The following ELP1 variants were observed in gnomAD, a reference collection of about 807,000 sequenced individuals.
ELP1 encodes the protein elongator acetyltransferase complex subunit 1, also known as elongator complex protein 1.
In ELP1, 131 loss-of-function variants were observed where a neutral mutation model predicts 183.2. The observed-to-expected ratio is 0.72, with a 90% CI of 0.62 to 0.83. ELP1 has a LOEUF of 0.83. Ranked by LOEUF, ELP1 falls within the 40% of genes least tolerant of loss-of-function variation. The pLI is 0.00. For synonymous variants in ELP1, 555 were observed against 569.0 expected (o/e 0.98, Z 0.35); for missense variants, 1,550 against 1,594.9 (o/e 0.97, Z 0.48).
chr9:108,917,424 A>G (rs1421354996), intron 9 of ELP1, 123 bp downstream of exon 9: 4 of 931,234 alleles, frequency 4.3e-6, no homozygotes, highest in East Asian at 5.0e-5. Flanking sequence ...CCGAGATTGC[A>G]CTATCGCACT....
At chr9:108,926,785 A>G (rs1829837426) in intron 4 of ELP1, among the ~76,000 whole-genome samples, 182 bp from the exon 5 acceptor site, 1 of 152,186 alleles carries the variant, frequency 6.6e-6, no homozygotes, top group Non-Finnish European at 1.5e-5. Context: ...CTTTCCCTAG[A>G]TAAGTCACCT....
chr9:108,870,807 T>C (rs547936317), intron 36 of ELP1, among the ~76,000 whole-genome samples: 1 of 152,302 alleles, frequency 6.6e-6, no homozygotes, highest in East Asian at 1.9e-4. Context: ...AAATGTCAAT[T>C]TATTTTCTGG....
intron 3 of ELP1, among the ~76,000 whole-genome samples, chr9:108,928,445 A>G (rs1008582609): frequency 1.3e-5 from 2 of 152,224 alleles, no homozygotes; most frequent in Non-Finnish European, 2.9e-5. Flanking sequence ...ACGTGTTTCA[A>G]AGAGTGGTAA....
At chr9:108,927,001 T>A (rs1829843134) in intron 4 of ELP1, among the ~76,000 whole-genome samples, 1 of 152,192 alleles carries the variant, frequency 6.6e-6, no homozygotes, top group Non-Finnish European at 1.5e-5. Flanking sequence ...TTAGAATGTG[T>A]CCATACAGCA....
rs111551558 is a variant in ELP1 at position 108,930,461 on chromosome 9, C to T, written c.150+536G>A. ...AACCACTCTTGGCCGGGCGCTGAGGCAGGCGGATCACGAGGTCAGGAGATC... is the reference window on the plus strand; with the variant it reads ...AACCACTCTTGGCCGGGCGCTGAGGTAGGCGGATCACGAGGTCAGGAGATC... On this transcript the variant is annotated intron_variant, in intron 2 of 36. Coordinates refer to ENST00000374647, the MANE Select transcript of ELP1 (RefSeq NM_003640.5). 2.6e-3 allele frequency among the ~76,000 whole-genome samples: 395 copies of T among 152,258 alleles called. 2 individuals carry two copies. The highest frequency in any genetic ancestry group is 9.0e-3 in the African/African-American group (372 of 41,552).
Position 108,880,127 on chromosome 9 carries a change from C to T in ELP1, c.3385G>A (p.Ala1129Thr). 3 of 1,614,070 alleles carry T rather than the reference C, an allele frequency of 1.9e-6. No homozygotes were observed. In the African/African-American group the frequency reaches 4.0e-5, roughly 22 times the overall value. Residue 1129 changes from alanine (A) to threonine (T), a missense_variant, in exon 32 of 37, where the codon GCC becomes ACC. Transcript: ENST00000374647. Reference sequence around the variant, plus strand: ...CGTTTCTTGTGGCGACTGAATGTGGCTGTCTGAGAGTCCAGAAATGCCATA... The same window carrying T: ...CGTTTCTTGTGGCGACTGAATGTGGTTGTCTGAGAGTCCAGAAATGCCATA... The part of the protein sequence containing the change: ...NYMAFLDSQT[A>T]TFSRHKKRLL...
intron 1 of ELP1, among the ~76,000 whole-genome samples, chr9:108,932,073 C>G (rs904398259): frequency 2.0e-5 from 3 of 152,158 alleles, no homozygotes; most frequent in Non-Finnish European, 4.4e-5. Context: ...AGGACCACAC[C>G]GGTCTTATTG....
intron 13 of ELP1, among the ~76,000 whole-genome samples, chr9:108,906,872 C>T (rs1213616640): frequency 6.6e-6 from 1 of 152,166 alleles, no homozygotes; most frequent in African/African-American, 2.4e-5. Context: ...GGGTCCTTTC[C>T]TAAGCACCTC....
chr9:108,918,944 T>C, intron 7 of ELP1, 43 bp from the exon 8 acceptor site: 1 of 1,441,580 alleles, frequency 6.9e-7, no homozygotes, highest in African/African-American at 1.4e-5. Flanking sequence ...ACTTAAAACA[T>C]TATGATAAAA....
Position 108,917,927 on chromosome 9 carries a change from C to T in ELP1, c.741-257G>A, listed in dbSNP as rs372374741. 4.6e-5 allele frequency among the ~76,000 whole-genome samples: 7 copies of T among 151,992 alleles called. No homozygotes were observed. In the South Asian group the frequency reaches 1.5e-3, roughly 32 times the overall value. ...ACAGAGGCTCCATTTGCCCACAAAA[C>T]CTTACATATTTACATTGCATTTGGA... On this transcript the variant is annotated intron_variant, in intron 8 of 36. Coordinates refer to ENST00000374647, the MANE Select transcript of ELP1 (RefSeq NM_003640.5).
rs768635920 is a variant in ELP1 at position 108,898,599 on chromosome 9, A to G, written c.2284-18T>C. The G allele has an allele frequency of 1.2e-4, 190 of 1,605,682 alleles. 1 individual carries two copies. The South Asian group carries it at 1.8e-3, about 15-fold the overall frequency. On this transcript the variant is annotated intron_variant, in intron 21 of 36. Transcript: ENST00000374647. ...AGAAACACCTACCAAAAAAAGGACAAAACATCTTCGTTCAGATCATATTAG... is the reference window on the plus strand; with the variant it reads ...AGAAACACCTACCAAAAAAAGGACAGAACATCTTCGTTCAGATCATATTAG...
chr9:108,889,345 T>C lies in ELP1; in HGVS notation c.3209A>G (p.Glu1070Gly), dbSNP rs376878918. Residue 1070 changes from glutamate to glycine, a missense_variant, in exon 29 of 37, where the codon GAA becomes GGA. By Grantham distance (98) the Glu-to-Gly change is moderately conservative (BLOSUM62 -2). Transcript: ENST00000374647. ...AATTGAGTTTACCTGGGCACACTCT[T>C]CCAAAACCATGGCCGCATCAATGTG... ...RKHIDAAMVL[E>G]ECAQDYEEAV... 3 of 1,614,096 alleles carry C rather than the reference T, an allele frequency of 1.9e-6. No homozygotes were observed. The highest frequency in any genetic ancestry group is 1.7e-6 in the Non-Finnish European group (2 of 1,179,970).
chr9:108,908,064 T>C (rs142805832), intron 13 of ELP1, among the ~76,000 whole-genome samples: 5 of 152,196 alleles, frequency 3.3e-5, no homozygotes, highest in African/African-American at 9.6e-5. Flanking sequence ...CCAAGCGCTA[T>C]TGGGAGTAGG....
rs1827333942 is a variant in ELP1, at chr9:108,868,969, G to A, written c.*146C>T. 2.7e-6 allele frequency: 2 copies of A among 739,536 alleles called. No individual in the cohort carries two copies. The highest frequency in any genetic ancestry group is 4.0e-5 in the Admixed American group (2 of 50,338). 45.8% of individuals were successfully genotyped at this position (739,536 alleles called of 1,614,324 possible). On this transcript the variant is annotated 3_prime_UTR_variant, in exon 37 of 37. Transcript: ENST00000374647. ...AAATAAATAGAATTGCTTGTTGTCT[G>A]CTGAAGTTCTTGGCAATGCTAAGGT...
At position 108,898,555 on chromosome 9, in the gene ELP1, G is replaced by A; in HGVS notation, c.2310C>T (p.Phe770=). Residue 770 remains phenylalanine, a synonymous_variant, in exon 22 of 37, where the codon TTC becomes TTT. Coordinates refer to ENST00000374647, the MANE Select transcript of ELP1 (RefSeq NM_003640.5). ...GATTCACAGAATCTATCTGTTTAATGAAGGTTTCCACATTTCCAAGAAACA... is the reference window on the plus strand; with the variant it reads ...GATTCACAGAATCTATCTGTTTAATAAAGGTTTCCACATTTCCAAGAAACA... ...PKVFLGNVET[F]IKQIDSVNHI... 1 of 1,604,120 alleles carries A rather than the reference G, an allele frequency of 6.2e-7. No individual in the cohort carries two copies. The highest frequency in any genetic ancestry group is 8.5e-7 in the Non-Finnish European group (1 of 1,172,094).
chr9:108,909,420 C>A (rs838822), intron 12 of ELP1, among the ~76,000 whole-genome samples: 86,965 of 151,878 alleles, frequency 0.57, 25,158 homozygotes, highest in South Asian at 0.7. Context: ...CATCAAACAC[C>A]ATCTTTGAAA....
intron 36 of ELP1, among the ~76,000 whole-genome samples, chr9:108,870,508 C>T (rs967739048): frequency 2.1e-4 from 32 of 151,988 alleles, no homozygotes; most frequent in African/African-American, 6.5e-4. Context: ...GTCATCTCCA[C>T]GTTGAGTAGG....
chr9:108,874,958 T>C lies in ELP1; in HGVS notation c.3868A>G (p.Asn1290Asp), dbSNP rs1180779908. The change falls in exon 36 of 37, where the codon AAT becomes GAT. Residue 1290 changes from asparagine (N) to aspartate (D), a missense_variant. Transcript: ENST00000374647. ...QNSATPVLGP[N>D]STANSIMASY... ...GCCATGATACTATTTGCAGTAGAAT[T>C]GGGACCTAGAACCTGAGGAGAAAAT... The C allele has an allele frequency of 2.5e-6, 4 of 1,610,608 alleles. No individual in the cohort carries two copies. Among genetic ancestry groups the C allele is most frequent in the Non-Finnish European group, 3.4e-6 (4 of 1,176,940 alleles).
At position 108,867,659 on chromosome 9, in the gene ELP1, C is replaced by G. The variant is rs763937430; in HGVS notation, c.*1456G>C. 6.6e-6 allele frequency: 1 copy of G among 152,210 alleles called. No homozygotes were observed. Among genetic ancestry groups the G allele is most frequent in the Non-Finnish European group, 1.5e-5 (1 of 68,046 alleles). 9.4% of individuals were successfully genotyped at this position (152,210 alleles called of 1,614,324 possible). A position where few individuals can be genotyped will look rare whatever the true frequency, so the allele number is the denominator to read the frequency against. ...AAGAGTGATTACAAAGTACTTGCAG[C>G]CTTTCAATATTGGGCACTTAATTAC... On this transcript the variant is annotated 3_prime_UTR_variant, in exon 37 of 37. Coordinates refer to ENST00000374647, the MANE Select transcript of ELP1 (RefSeq NM_003640.5).
Sources: allele counts gnomAD v4.1 joint callset (sites outside exome capture counted in the v4.1 genomes callset), GRCh38; gene constraint gnomAD v4.1.1; transcripts MANE v1.5; gene names NCBI Gene and HGNC (gene_info 2026-07-23, HGNC 2026-07-21).